The following CNKSR2 variants were observed in gnomAD, a reference collection of about 807,000 sequenced individuals.
The protein encoded by CNKSR2 is connector enhancer of kinase suppressor of Ras 2.
CNKSR2 carries 14 observed loss-of-function variants against 84.4 expected under a neutral mutation model. The observed-to-expected ratio is 0.17, with a 90% CI of 0.11 to 0.26. The LOEUF (loss-of-function observed/expected upper bound fraction) is 0.26, where lower values mean the gene tolerates loss of function less well. Ranked by LOEUF, CNKSR2 falls within the 10% of genes least tolerant of loss-of-function variation. The pLI is 1.00. For missense variants in CNKSR2, 485 were observed against 771.2 expected, an observed-to-expected ratio of 0.63 and a Z score of 4.40; for synonymous variants, 275 against 277.9, an observed-to-expected ratio of 0.99 and a Z score of 0.10.
At chrX:21,442,068 G>C (rs997157114) in intron 4 of CNKSR2, among the ~76,000 whole-genome samples, 2 of 110,762 alleles carry the variant, frequency 1.8e-5, no homozygotes, top group Non-Finnish European at 3.8e-5. Flanking sequence ...TAAAATTAGA[G>C]GAGAAAGTTA....
At chrX:21,391,358 A>G (rs939309821) in intron 1 of CNKSR2, among the ~76,000 whole-genome samples, 1 of 111,846 alleles carries the variant, frequency 8.9e-6, no homozygotes, top group Non-Finnish European at 1.9e-5. Flanking sequence ...ACATCCATAC[A>G]TTTCCATAGA....
At chrX:21,428,984 T>C (rs1312055151) in intron 2 of CNKSR2, 2 of 112,411 alleles carry the variant, frequency 1.8e-5, no homozygotes, top group Non-Finnish European at 3.8e-5. Context: ...TAAAATGGCA[T>C]TGACATTGTA....
intron 8 of CNKSR2, among the ~76,000 whole-genome samples, chrX:21,508,315 G>A (rs1373555903): frequency 2.7e-5 from 3 of 112,286 alleles, no homozygotes; most frequent in Non-Finnish European, 3.8e-5. Context: ...GGGCAACAGA[G>A]TGAGACTCTG....
chrX:21,543,983 G>A (rs754133553), intron 11 of CNKSR2, among the ~76,000 whole-genome samples: 1 of 110,734 alleles, frequency 9.0e-6, no homozygotes, highest in African/African-American at 3.3e-5. Flanking sequence ...CACCACGCCT[G>A]GCTAATTAGC....
intron 1 of CNKSR2, among the ~76,000 whole-genome samples, chrX:21,376,811 G>A (rs1246526465): frequency 1.8e-5 from 2 of 111,845 alleles, no homozygotes; most frequent in African/African-American, 3.3e-5. Context: ...CATGATGCCT[G>A]TAGTGAGTGC....
chrX:21,570,156 T>C (rs781037470), intron 13 of CNKSR2, among the ~76,000 whole-genome samples: 2 of 112,450 alleles, frequency 1.8e-5, no homozygotes, highest in Admixed American at 1.9e-4. Flanking sequence ...TCTCTCAAGC[T>C]ATGAAAGTCC....
intron 4 of CNKSR2, among the ~76,000 whole-genome samples, chrX:21,442,749 A>G (rs2090800916): frequency 8.9e-6 from 1 of 111,845 alleles, no homozygotes; most frequent in Non-Finnish European, 1.9e-5. Context: ...CTTAGAATCA[A>G]CCTAAATGCC....
rs569445072 is a variant in CNKSR2 at position 21,481,472 on chromosome X, G to A, written c.562-8987G>A. ...TTCATGGTAGACAGGATTCTAAGAT[G>A]ACCCCCAGGACCCCTGTCCCCTGGT... On this transcript the variant is annotated intron_variant, in intron 5 of 21. Transcript: ENST00000379510. Among the ~76,000 whole-genome samples, 8 of 111,402 alleles carry A rather than the reference G, an allele frequency of 7.2e-5. No individual in the cohort carries two copies. In the South Asian group the frequency reaches 3.1e-3, roughly 43 times the overall value.
chrX:21,439,024 ATAAAAT>A (rs1167263465), intron 3 of CNKSR2, among the ~76,000 whole-genome samples: 1 of 111,566 alleles, frequency 9.0e-6, no homozygotes, highest in Non-Finnish European at 1.9e-5. Flanking sequence ...TCAAGAATAG[ATAAAAT>A]TAAACAGAAA....
chrX:21,374,874 C>T lies in CNKSR2; in HGVS notation c.-24C>T. ...TCGTTTTGTGTCTGAGCTCTGCGCT[C>T]TGCACGGAACCGACCCCGTACCCAT... On this transcript the variant is annotated 5_prime_UTR_variant, in exon 1 of 22. Coordinates refer to ENST00000379510, the MANE Select transcript of CNKSR2 (RefSeq NM_014927.5). 8.4e-7 allele frequency: 1 copy of T among 1,197,140 alleles called. No individual in the cohort carries two copies. Among genetic ancestry groups the T allele is most frequent in the Non-Finnish European group, 1.1e-6 (1 of 881,813 alleles).
intron 11 of CNKSR2, among the ~76,000 whole-genome samples, chrX:21,552,996 A>T (rs1183204135): frequency 8.9e-6 from 1 of 112,140 alleles, no homozygotes; most frequent in East Asian, 2.8e-4. Context: ...TTGTTTTATA[A>T]GCAACACATC....
At chrX:21,639,365 G>T (rs1236296529) in intron 20 of CNKSR2, among the ~76,000 whole-genome samples, 3 of 111,668 alleles carry the variant, frequency 2.7e-5, no homozygotes, top group Admixed American at 9.5e-5. Flanking sequence ...CACCTGGCTC[G>T]CCAGTACACG....
At chrX:21,606,124 C>G (rs1299301103) in intron 18 of CNKSR2, among the ~76,000 whole-genome samples, 1 of 111,776 alleles carries the variant, frequency 8.9e-6, no homozygotes, top group Non-Finnish European at 1.9e-5. Context: ...CATTTGCTAC[C>G]CTTTTAAGTA....
At chrX:21,467,678 A>G (rs1050445998) in intron 4 of CNKSR2, among the ~76,000 whole-genome samples, 6 of 109,320 alleles carry the variant, frequency 5.5e-5, no homozygotes, top group Admixed American at 9.6e-5. Flanking sequence ...GTTTATTTTA[A>G]ATAGTAAGTT....
At chrX:21,572,061 T>C (rs2092287493) in intron 13 of CNKSR2, among the ~76,000 whole-genome samples, 3 of 112,546 alleles carry the variant, frequency 2.7e-5, no homozygotes, top group Non-Finnish European at 5.6e-5. Context: ...ATTATCATAT[T>C]CATTTGTATA....
At chrX:21,641,658 C>T (rs758287299) in intron 20 of CNKSR2, 109 of 1,141,488 alleles carry the variant, frequency 9.5e-5, no homozygotes, top group Non-Finnish European at 1.0e-4. Flanking sequence ...CGGAGAGAGT[C>T]GGTACGGCGC....
chrX:21,402,183 G>A (rs2090200110), intron 1 of CNKSR2, among the ~76,000 whole-genome samples: 1 of 111,109 alleles, frequency 9.0e-6, no homozygotes, highest in Admixed American at 9.6e-5. Context: ...GTGTAGGTTA[G>A]CAGTACATAA....
At chrX:21,546,382 G>A (rs1443631575) in intron 11 of CNKSR2, among the ~76,000 whole-genome samples, 1 of 109,180 alleles carries the variant, frequency 9.2e-6, no homozygotes, top group East Asian at 2.9e-4. Flanking sequence ...ACAAAAGAAT[G>A]AAAAAGAATG....
At chrX:21,610,151 A>G (rs769322441) in intron 20 of CNKSR2, among the ~76,000 whole-genome samples, 3 of 112,593 alleles carry the variant, frequency 2.7e-5, no homozygotes, top group African/African-American at 9.7e-5. Flanking sequence ...GAGATTTCAC[A>G]TAGCATTTCT....
Sources: allele counts gnomAD v4.1 joint callset (sites outside exome capture counted in the v4.1 genomes callset), GRCh38; gene constraint gnomAD v4.1.1; transcripts MANE v1.5; gene names NCBI Gene and HGNC (gene_info 2026-07-23, HGNC 2026-07-21).